Variants in CDH4 observed in about 807,000 individuals in gnomAD.
CDH4 encodes cadherin 4.
A neutral mutation model predicts 86.0 loss-of-function variants in CDH4; 33 were observed. The observed-to-expected ratio is 0.38, with a 90% CI of 0.29 to 0.51. The LOEUF (loss-of-function observed/expected upper bound fraction) is 0.51, where lower values mean the gene tolerates loss of function less well. CDH4 is among the 20% of genes least tolerant of loss of function. The pLI is 0.86. For synonymous variants in CDH4, 555 were observed against 549.4 expected, an observed-to-expected ratio of 1.01 and a Z score of -0.14; for missense variants, 1,114 against 1,307.4, an observed-to-expected ratio of 0.85 and a Z score of 2.28.
rs2085153876 is a variant in CDH4 at position 61,417,595 on chromosome 20, A to G, written c.169+162658A>G. ...CTGGCCCTGTTTCTGGCTGGAATGCATTTCTGTATCGCTATCTAGCAGGGC... is the reference window on the plus strand; with the variant it reads ...CTGGCCCTGTTTCTGGCTGGAATGCGTTTCTGTATCGCTATCTAGCAGGGC... On this transcript the variant is annotated intron_variant, in intron 2 of 15. Coordinates refer to ENST00000614565, the MANE Select transcript of CDH4 (RefSeq NM_001794.5). The surrounding 1 kb of genome is among the most constrained non-coding windows in gnomAD (Gnocchi z 4.0). Among the ~76,000 whole-genome samples the G allele has an allele frequency of 1.3e-5, 2 of 152,140 alleles. No individual in the cohort carries two copies. Among genetic ancestry groups the G allele is most frequent in the African/African-American group, 4.8e-5 (2 of 41,444 alleles).
At chr20:61,915,724 C>T (rs1031461369) in intron 9 of CDH4, among the ~76,000 whole-genome samples, 2 of 152,186 alleles carry the variant, frequency 1.3e-5, no homozygotes, top group African/African-American at 2.4e-5. Context: ...CCCTTCAATG[C>T]TTTGCTGGTG....
chr20:61,652,876 T>C (rs962970773), intron 2 of CDH4, among the ~76,000 whole-genome samples: 9 of 143,568 alleles, frequency 6.3e-5, no homozygotes, highest in African/African-American at 2.3e-4. Context: ...GGATAAAAAA[T>C]GATCTCCCTT....
chr20:61,926,365 C>G, intron 11 of CDH4, among the ~76,000 whole-genome samples: 1 of 152,328 alleles, frequency 6.6e-6, no homozygotes. Context: ...ATTGTGCAAA[C>G]GCTCGTCCCA....
At chr20:61,804,976 G>A (rs555997993) in intron 4 of CDH4, among the ~76,000 whole-genome samples, 10 of 152,292 alleles carry the variant, frequency 6.6e-5, no homozygotes, top group African/African-American at 2.2e-4. Context: ...CCCTCATCCC[G>A]CAGACCTGCC....
intron 2 of CDH4, among the ~76,000 whole-genome samples, chr20:61,479,717 G>T (rs2145577461): frequency 6.6e-6 from 1 of 152,274 alleles, no homozygotes; most frequent in African/African-American, 2.4e-5. Context: ...GGTTTGCTGA[G>T]CTTCTTGGAT....
intron 2 of CDH4, among the ~76,000 whole-genome samples, chr20:61,596,580 C>T (rs1322557979): frequency 4.6e-5 from 7 of 152,192 alleles, no homozygotes; most frequent in African/African-American, 1.4e-4. Context: ...AGTGATCACC[C>T]TGGCTGTAAT....
intron 4 of CDH4, among the ~76,000 whole-genome samples, chr20:61,816,479 T>C (rs1282999284): frequency 6.6e-6 from 1 of 152,238 alleles, no homozygotes; most frequent in Non-Finnish European, 1.5e-5. Context: ...CTATTATATA[T>C]GTGCAAACTG....
intron 2 of CDH4, among the ~76,000 whole-genome samples, chr20:61,679,092 C>T (rs547974448): frequency 7.5e-4 from 114 of 152,290 alleles, no homozygotes; most frequent in African/African-American, 2.4e-3. Context: ...CCCGGAAGAG[C>T]GAACAGCACA....
At chr20:61,605,537 C>T (rs1181202479) in intron 2 of CDH4, among the ~76,000 whole-genome samples, 3 of 151,670 alleles carry the variant, frequency 2.0e-5, no homozygotes, top group African/African-American at 7.3e-5. Context: ...CTGTCTCTCT[C>T]CTTCTGTCTC....
intron 15 of CDH4, among the ~76,000 whole-genome samples, chr20:61,935,547 CAG>C (rs1232751335): frequency 1.3e-5 from 2 of 152,202 alleles, no homozygotes; most frequent in Non-Finnish European, 2.9e-5. Flanking sequence ...CACCTGAGGT[CAG>C]GAGTTCAAGA....
In CDH4 at chr20:61,933,263, C is replaced by T. The variant is rs894473670; in HGVS notation, c.2379+139C>T. 74 of 1,100,446 alleles carry T rather than the reference C, an allele frequency of 6.7e-5. No individual in the cohort carries two copies. In the South Asian group the frequency reaches 9.5e-4, roughly 14 times the overall value. 68.2% of individuals were successfully genotyped at this position (1,100,446 alleles called of 1,614,324 possible). ...AGTGAAGGTGCCAGGCAGGGGCGCA[C>T]GGTTTCCTAGCCTGGGCTGAGCTGT... On this transcript the variant is annotated intron_variant, in intron 14 of 15. Coordinates refer to ENST00000614565, the MANE Select transcript of CDH4 (RefSeq NM_001794.5).
chr20:61,330,549 G>A (rs892802575), intron 2 of CDH4, among the ~76,000 whole-genome samples: 10 of 152,326 alleles, frequency 6.6e-5, no homozygotes, highest in African/African-American at 1.7e-4. Context: ...GATTCAAGTC[G>A]TTGTAGGCAG....
intron 2 of CDH4, among the ~76,000 whole-genome samples, chr20:61,455,896 TGGATGGAGAATA>T (rs2085404234): frequency 6.6e-6 from 1 of 151,482 alleles, no homozygotes; most frequent in Admixed American, 6.6e-5. Flanking sequence ...GATATATGGG[TGGATGGAGAATA>T]GGATGGAGAG....
chr20:61,266,769 C>G (rs1362474448), intron 2 of CDH4, among the ~76,000 whole-genome samples: 2 of 152,062 alleles, frequency 1.3e-5, no homozygotes, highest in Non-Finnish European at 2.9e-5. Context: ...ACTCGCCAGC[C>G]CCGTGGGTCC....
At chr20:61,472,852 C>A (rs2085513133) in intron 2 of CDH4, among the ~76,000 whole-genome samples, 1 of 152,148 alleles carries the variant, frequency 6.6e-6, no homozygotes, top group Admixed American at 6.5e-5. Flanking sequence ...AAATATGAAT[C>A]ATCTATTCTC....
At chr20:61,555,473 T>C (rs1273581737) in intron 2 of CDH4, among the ~76,000 whole-genome samples, 1 of 152,150 alleles carries the variant, frequency 6.6e-6, no homozygotes, top group Non-Finnish European at 1.5e-5. Flanking sequence ...GGACAGGGTC[T>C]CATCCTCCCA....
At chr20:61,685,353 G>C (rs1382727334) in intron 2 of CDH4, among the ~76,000 whole-genome samples, 1 of 152,206 alleles carries the variant, frequency 6.6e-6, no homozygotes, top group African/African-American at 2.4e-5. Flanking sequence ...ACCACCCTTT[G>C]TGTGAAGCGG....
At chr20:61,304,401 A>T (rs1017254773) in intron 2 of CDH4, among the ~76,000 whole-genome samples, 1 of 151,922 alleles carries the variant, frequency 6.6e-6, no homozygotes, top group Non-Finnish European at 1.5e-5. Context: ...TTCATATTAC[A>T]TTGTATTGCT....
chr20:61,648,960 A>C (rs2087093427), intron 2 of CDH4, among the ~76,000 whole-genome samples: 1 of 152,174 alleles, frequency 6.6e-6, no homozygotes, highest in African/African-American at 2.4e-5. Flanking sequence ...ATCGGGGGCC[A>C]TCTGGTCAGC....
Sources: allele counts gnomAD v4.1 joint callset (sites outside exome capture counted in the v4.1 genomes callset), GRCh38; gene constraint gnomAD v4.1.1; non-coding constraint Gnocchi (gnomAD v3.1); transcripts MANE v1.5; gene names NCBI Gene and HGNC (gene_info 2026-07-23, HGNC 2026-07-21).